NSMCE1: variants seen among roughly 807,000 people sequenced by gnomAD.
The protein encoded by NSMCE1 is non-structural maintenance of chromosomes element 1 homolog.
NSMCE1 carries 18 observed loss-of-function variants against 29.6 expected under a neutral mutation model. That is an observed-to-expected ratio of 0.61 (90% CI 0.42 to 0.90). NSMCE1 has a LOEUF of 0.90. NSMCE1 is among the 40% of genes least tolerant of loss of function. The pLI, the probability that NSMCE1 is intolerant of heterozygous loss-of-function variation, is 0.00. For missense variants in NSMCE1, 314 were observed against 343.6 expected (o/e 0.91, Z 0.68); for synonymous variants, 124 against 133.4 (o/e 0.93, Z 0.49).
At chr16:27,251,189 T>TGTATATATATATATATAA (rs2084028895) in intron 2 of NSMCE1, among the ~76,000 whole-genome samples, 1 of 58,834 alleles carries the variant, frequency 1.7e-5, no homozygotes, top group African/African-American at 1.0e-4. Flanking sequence ...TATATATATA[T>TGTATATATATATATATAA]AAATATATAT....
chr16:27,261,151 A>G (rs141218664), intron 1 of NSMCE1, among the ~76,000 whole-genome samples: 2 of 142,660 alleles, frequency 1.4e-5, no homozygotes, highest in Non-Finnish European at 3.0e-5. Context: ...TGGGTGACAA[A>G]GCAAGACTCC....
In NSMCE1 at chr16:27,244,823, G is replaced by A. The variant is rs545902473; in HGVS notation, c.137-9524C>T. 6.4e-4 allele frequency among the ~76,000 whole-genome samples: 98 copies of A among 152,330 alleles called. 1 individual carries two copies. Among genetic ancestry groups the A allele is most frequent in the African/African-American group, 2.1e-3 (89 of 41,572 alleles). On this transcript the variant is annotated intron_variant, in intron 2 of 7. Coordinates refer to ENST00000361439, the MANE Select transcript of NSMCE1 (RefSeq NM_145080.4). ...AGAATGCCAGCTCCCTGAAGGCTGG[G>A]ATCTGCTCATCCTATTCACCACAGC...
At chr16:27,234,936 A>G (rs539732193) in intron 3 of NSMCE1, among the ~76,000 whole-genome samples, 18 of 152,246 alleles carry the variant, frequency 1.2e-4, no homozygotes, top group Non-Finnish European at 2.4e-4. Context: ...AAAACCACTG[A>G]AGGCCCCACC....
At chr16:27,226,036 G>A in intron 6 of NSMCE1, 190 bp from the exon 7 acceptor site, 1 of 639,822 alleles carries the variant, frequency 1.6e-6, no homozygotes, top group Non-Finnish European at 2.6e-6. Flanking sequence ...GCTTGTTGCG[G>A]TGGGTTTTAC....
intron 2 of NSMCE1, among the ~76,000 whole-genome samples, chr16:27,250,649 C>G (rs1019255293): frequency 6.6e-6 from 1 of 151,284 alleles, no homozygotes; most frequent in African/African-American, 2.4e-5. Context: ...AAAAATTCGT[C>G]GGGCGTGGTG....
rs144973752 is a variant in NSMCE1 at position 27,232,892 on chromosome 16, G to C, written c.483+109C>G. The C allele has an allele frequency of 4.3e-6, 5 of 1,176,144 alleles. No homozygotes were observed. Among genetic ancestry groups the C allele is most frequent in the Non-Finnish European group, 6.1e-6 (5 of 819,638 alleles). 72.9% of individuals were successfully genotyped at this position (1,176,144 alleles called of 1,614,324 possible). A position where few individuals can be genotyped will look rare whatever the true frequency, so the allele number is the denominator to read the frequency against. On this transcript the variant is annotated intron_variant, in intron 5 of 7. Transcript: ENST00000361439. This position sits in a 1 kb window ranked among gnomAD's most constrained non-coding sequence, Gnocchi z 4.5. ...ATGCATGAAAGCAGATAAGGGATCC[G>C]AGAAGGCCGGGCTCCTCAGACATCA...
intron 6 of NSMCE1, chr16:27,226,251 G>GTGTA (rs57257601): frequency 0.21 from 46,271 of 218,138 alleles, 5,671 homozygotes; most frequent in East Asian, 0.45. Flanking sequence ...AAGGATACAG[G>GTGTA]TGTACGAGGC....
chr16:27,244,147 G>A (rs2083925045), intron 2 of NSMCE1, among the ~76,000 whole-genome samples: 1 of 152,178 alleles, frequency 6.6e-6, no homozygotes, highest in Non-Finnish European at 1.5e-5. Context: ...AACCCAAGTG[G>A]AGGCTGCCTC....
At chr16:27,261,751 T>C (rs752986248) in intron 1 of NSMCE1, among the ~76,000 whole-genome samples, 3 of 152,262 alleles carry the variant, frequency 2.0e-5, no homozygotes, top group Admixed American at 6.5e-5. Flanking sequence ...CTAACAAGGA[T>C]GTCAAAAGAA....
At chr16:27,226,100 C>G (rs1040378000) in intron 6 of NSMCE1, 5 of 372,060 alleles carry the variant, frequency 1.3e-5, no homozygotes, top group African/African-American at 4.2e-5. Flanking sequence ...CTCCCAAACT[C>G]CTGCACTCAG....
rs1409986836 is a variant in NSMCE1, at chr16:27,235,196, C to T, written c.240G>A (p.Gly80=). The T allele has an allele frequency of 1.9e-6, 3 of 1,613,864 alleles. No individual in the cohort carries two copies. Among genetic ancestry groups the T allele is most frequent in the Non-Finnish European group, 2.5e-6 (3 of 1,179,974 alleles). Residue 80 remains glycine (G), a synonymous_variant, in exon 3 of 8, where the codon GGG becomes GGA. Coordinates refer to ENST00000361439, the MANE Select transcript of NSMCE1 (RefSeq NM_145080.4). ...EIKRGVTEDD[G]RPIYALVNLA... is the part of the protein sequence containing the mutation. ...CACTCACCAACGCATAAATGGGTCT[C>T]CCATCATCTTCCGTGACTCCTCTCT...
chr16:27,229,448 G>A (rs2140986757), intron 5 of NSMCE1, among the ~76,000 whole-genome samples: 1 of 152,338 alleles, frequency 6.6e-6, no homozygotes, highest in East Asian at 1.9e-4. Context: ...ACCTGCTGTG[G>A]GGCCCAGCAC....
intron 2 of NSMCE1, among the ~76,000 whole-genome samples, chr16:27,252,355 C>T (rs751860104): frequency 2.0e-5 from 3 of 152,206 alleles, no homozygotes; most frequent in African/African-American, 2.4e-5. Context: ...GTAAAGAAAC[C>T]TCCATAGAAA....
Position 27,247,473 on chromosome 16 carries a change from A to C in NSMCE1, c.136+9962T>G, listed in dbSNP as rs189205954. Among the ~76,000 whole-genome samples the C allele has an allele frequency of 2.6e-4, 40 of 152,252 alleles. No individual in the cohort carries two copies. In the East Asian group the frequency reaches 7.5e-3, roughly 29 times the overall value. ...ACCCAGTTTTGGGTATGTCTTTATT[A>C]GCAGCGCGAGAACGGACTAATACAC... On this transcript the variant is annotated intron_variant, in intron 2 of 7. Transcript: ENST00000361439.
chr16:27,253,393 T>C (rs144983104), intron 2 of NSMCE1, among the ~76,000 whole-genome samples: 7 of 152,156 alleles, frequency 4.6e-5, no homozygotes, highest in Admixed American at 6.5e-5. Context: ...AGAACTGGAG[T>C]AGTGTTAGAA....
In NSMCE1 at chr16:27,234,171, G is replaced by A. The variant is rs779774536; in HGVS notation, c.336+17C>T. The A allele has an allele frequency of 1.9e-6, 3 of 1,560,376 alleles. No homozygotes were observed. The highest frequency in any genetic ancestry group is 3.3e-5 in the Admixed American group (2 of 59,958). On this transcript the variant is annotated intron_variant, in intron 4 of 7. Coordinates refer to ENST00000361439, the MANE Select transcript of NSMCE1 (RefSeq NM_145080.4). Reference sequence around the variant, plus strand: ...TAAGAAGCCCACCCAATGGGCAATGGGGATTACTCTACTTACAGCCTTTCT... The same window carrying A: ...TAAGAAGCCCACCCAATGGGCAATGAGGATTACTCTACTTACAGCCTTTCT...
rs1046372188 is a variant in NSMCE1 at position 27,250,519 on chromosome 16, C to T, written c.136+6916G>A. Among the ~76,000 whole-genome samples, 4 of 151,006 alleles carry T rather than the reference C, an allele frequency of 2.6e-5. No individual in the cohort carries two copies. In the East Asian group the frequency reaches 5.8e-4, roughly 22 times the overall value. ...TAAACTCTGTGTAGAGGGCCAGGCG[C>T]GGTGGCTCATGCCTGTAATCCCAGC... On this transcript the variant is annotated intron_variant, in intron 2 of 7. Coordinates refer to ENST00000361439, the MANE Select transcript of NSMCE1 (RefSeq NM_145080.4).
chr16:27,235,142 C>T (rs117219610), intron 3 of NSMCE1, 36 bp downstream of exon 3: 28,538 of 1,602,970 alleles, frequency 0.018, 326 homozygotes, highest in Non-Finnish European at 0.021. Flanking sequence ...TCCAGCTCCT[C>T]AAAAATGCCA....
intron 2 of NSMCE1, among the ~76,000 whole-genome samples, chr16:27,253,590 C>T (rs1254434482): frequency 6.6e-6 from 1 of 152,140 alleles, no homozygotes; most frequent in Non-Finnish European, 1.5e-5. Flanking sequence ...CAAACCCAAG[C>T]CTTCTCCACC....
Sources: gnomAD v4.1 joint callset for allele counts (sites outside exome capture counted in the v4.1 genomes callset) on GRCh38, gnomAD v4.1.1 for gene constraint, Gnocchi (gnomAD v3.1) non-coding constraint, MANE v1.5 for transcripts, NCBI Gene and HGNC (gene_info 2026-07-23, HGNC 2026-07-21) for gene names.